The following SARS1 variants were observed in gnomAD, a reference collection of about 807,000 sequenced individuals.
SARS1 encodes the protein seryl-tRNA synthetase 1, also known as serine--tRNA ligase, cytoplasmic.
A neutral mutation model predicts 63.7 loss-of-function variants in SARS1; 25 were observed. The observed-to-expected ratio is 0.39, with a 90% CI of 0.29 to 0.55. SARS1 has a LOEUF of 0.55. Among genes scored for constraint, SARS1 ranks in the 20% least tolerant of loss-of-function variants. SARS1 has a pLI of 0.62. For synonymous variants in SARS1, 231 were observed against 243.5 expected (o/e 0.95, Z 0.48); for missense variants, 417 against 649.7 (o/e 0.64, Z 3.89).
In SARS1 at chr1:109,229,721, G is replaced by A. The variant is rs531079637; in HGVS notation, c.447+149G>A. ...CTCTGCCCACCAATTGAGAATTGCA[G>A]GAGTCAGATCCTTGTCTGATTGGGA... is the stretch of plus-strand genomic sequence containing the variant. On this transcript the variant is annotated intron_variant, in intron 4 of 10. Coordinates refer to ENST00000234677, the MANE Select transcript of SARS1 (RefSeq NM_006513.4). The A allele has an allele frequency of 8.8e-6, 7 of 794,096 alleles. No homozygotes were observed. In the South Asian group the frequency reaches 1.3e-4, roughly 15 times the overall value. The allele number at this position is 794,096 out of a possible 1,614,324, so 49.2% of individuals were successfully genotyped here.
chr1:109,232,640 G>A (rs1655232463), intron 6 of SARS1, among the ~76,000 whole-genome samples: 3 of 152,110 alleles, frequency 2.0e-5, no homozygotes, highest in Admixed American at 1.3e-4. Context: ...AGACGCACTG[G>A]GAAACAAAGT....
chr1:109,237,046 G>A lies in SARS1; in HGVS notation c.1258-198G>A, dbSNP rs1655326250. The A allele has an allele frequency of 2.4e-6, 3 of 1,233,962 alleles. No individual in the cohort carries two copies. The highest frequency in any genetic ancestry group is 3.3e-6 in the Non-Finnish European group (3 of 907,704). The allele number at this position is 1,233,962 out of a possible 1,614,324, so 76.4% of individuals were successfully genotyped here. A position where few individuals can be genotyped will look rare whatever the true frequency, so the allele number is the denominator to read the frequency against. ...ACTTGTCACTCATCGAAACATGAGG[G>A]ATCTTTCTGCAGTTATCTAATAGGC... is the stretch of plus-strand genomic sequence containing the variant. On this transcript the variant is annotated intron_variant, in intron 9 of 10. Coordinates refer to ENST00000234677, the MANE Select transcript of SARS1 (RefSeq NM_006513.4). The surrounding 1 kb of genome is among the most constrained non-coding windows in gnomAD (Gnocchi z 4.1).
intron 1 of SARS1, chr1:109,215,410 C>G (rs1654760608): frequency 1.0e-6 from 1 of 985,420 alleles, no homozygotes; most frequent in Admixed American, 6.1e-5. Context: ...ATGTCCACAT[C>G]TGAGGGATTT....
intron 1 of SARS1, among the ~76,000 whole-genome samples, chr1:109,220,940 T>C (rs1654912250): frequency 6.6e-6 from 1 of 152,138 alleles, no homozygotes; most frequent in South Asian, 2.1e-4. Flanking sequence ...CAAAATTTTT[T>C]TTAATGTGGA....
chr1:109,226,625 C>G (rs1442677436), intron 2 of SARS1, among the ~76,000 whole-genome samples: 5 of 136,502 alleles, frequency 3.7e-5, no homozygotes, highest in Admixed American at 1.6e-4. Flanking sequence ...TCCCAAGTAG[C>G]TGAGACTACA....
rs766897116 is a variant in SARS1, at chr1:109,236,040, A to T, written c.1033A>T (p.Ile345Phe). The change falls in exon 8 of 11, where the codon ATT becomes TTT. Residue 345 changes from isoleucine (I) to phenylalanine (F), a missense_variant. Ile to Phe is a conservative substitution (Grantham distance 21, BLOSUM62 0). Coordinates refer to ENST00000234677, the MANE Select transcript of SARS1 (RefSeq NM_006513.4). Reference protein sequence around the residue: ...NKSWEMFEEMITTAEEFYQSL... With the variant: ...NKSWEMFEEMFTTAEEFYQSL... ...GTCATGGGAGATGTTTGAAGAGATG[A>T]TTACCACCGCAGAGGAGTTCTACCA... 6.2e-7 allele frequency: 1 copy of T among 1,613,882 alleles called. No homozygotes were observed. The highest frequency in any genetic ancestry group is 1.1e-5 in the South Asian group (1 of 91,070).
intron 1 of SARS1, among the ~76,000 whole-genome samples, chr1:109,221,970 G>GTGTGTATATA (rs1654939076): frequency 7.1e-5 from 2 of 28,056 alleles, no homozygotes; most frequent in African/African-American, 2.9e-4. Flanking sequence ...TTGTGTGTGT[G>GTGTGTATATA]TATATATATA....
In SARS1 at chr1:109,214,385, C is replaced by A. The variant is rs1293790893; in HGVS notation, c.136+257C>A. On this transcript the variant is annotated intron_variant, in intron 1 of 10. Transcript: ENST00000234677. The surrounding 1 kb of genome is among the most constrained non-coding windows in gnomAD (Gnocchi z 4.6). ...TTCGCTGCCAGTGTGCGTACGCACGCGCATCGGGAGCTGTCAAGCCTTCCT... is the reference window on the plus strand; with the variant it reads ...TTCGCTGCCAGTGTGCGTACGCACGAGCATCGGGAGCTGTCAAGCCTTCCT... Among the ~76,000 whole-genome samples, 1 of 152,216 alleles carries A rather than the reference C, an allele frequency of 6.6e-6. No homozygotes were observed. Among genetic ancestry groups the A allele is most frequent in the African/African-American group, 2.4e-5 (1 of 41,458 alleles).
At chr1:109,229,315 C>A in intron 3 of SARS1, 99 bp from the exon 4 acceptor site, 2 of 1,210,466 alleles carry the variant, frequency 1.7e-6, no homozygotes, top group Non-Finnish European at 2.3e-6. Flanking sequence ...ACCACAAGGG[C>A]TATCTTTAGA....
intron 1 of SARS1, among the ~76,000 whole-genome samples, chr1:109,218,670 ACTC>A (rs1231035143): frequency 6.6e-5 from 10 of 151,998 alleles, no homozygotes; most frequent in South Asian, 6.2e-4. Context: ...GCTTATTGCT[ACTC>A]CTAGACTCTT....
chr1:109,235,878 G>A lies in SARS1; in HGVS notation c.970-99G>A, dbSNP rs1655296859. On this transcript the variant is annotated intron_variant, in intron 7 of 10. Transcript: ENST00000234677. This position sits in a 1 kb window ranked among gnomAD's most constrained non-coding sequence, Gnocchi z 4.7. Reference sequence around the variant, plus strand: ...GGGGCCCAGACTTGCCTGCCTCCCAGTGGTGTGGAAACAGGTCTTCATGGC... The same window carrying A: ...GGGGCCCAGACTTGCCTGCCTCCCAATGGTGTGGAAACAGGTCTTCATGGC... 1 of 1,210,952 alleles carries A rather than the reference G, an allele frequency of 8.3e-7. No individual in the cohort carries two copies. The highest frequency in any genetic ancestry group is 1.2e-6 in the Non-Finnish European group (1 of 866,296). The allele number at this position is 1,210,952 out of a possible 1,614,324, so 75.0% of individuals were successfully genotyped here.
chr1:109,230,903 T>G lies in SARS1; in HGVS notation c.473T>G (p.Ile158Ser). The G allele has an allele frequency of 6.2e-7, 1 of 1,605,226 alleles. No homozygotes were observed. The highest frequency in any genetic ancestry group is 8.5e-7 in the Non-Finnish European group (1 of 1,175,090). ...DEDVDNKVER[I>S]WGDCTVRKKY... ...GATGTGGACAACAAAGTAGAGAGGA[T>G]TTGGGGTGATTGTACAGTCAGGAAG... Residue 158 changes from isoleucine (I) to serine (S), a missense_variant, in exon 5 of 11, where the codon ATT (isoleucine) becomes AGT (serine). Ile to Ser is a moderately radical substitution (Grantham distance 142, BLOSUM62 -2). Transcript: ENST00000234677.
At chr1:109,222,051 A>G (rs962549641) in intron 1 of SARS1, among the ~76,000 whole-genome samples, 1 of 83,972 alleles carries the variant, frequency 1.2e-5, no homozygotes, top group African/African-American at 5.1e-5. Flanking sequence ...TTTTGTAGAG[A>G]CAGGGTTTTG....
rs926583434 is a variant in SARS1, at chr1:109,230,822, TTAAAAA to T, written c.448-52_448-47del. 7 of 1,494,150 alleles carry T rather than the reference TTAAAAA, an allele frequency of 4.7e-6. No individual in the cohort carries two copies. The African/African-American group carries it at 1.0e-4, about 22-fold the overall frequency. 92.6% of individuals were successfully genotyped at this position (1,494,150 alleles called of 1,614,324 possible). ...CCTGTCTCCAAAAAAAAAAAATAAT[TTAAAAA>T]TAATAAAATCATATGTCTTGTATGT... is the stretch of plus-strand genomic sequence containing the variant. On this transcript the variant is annotated intron_variant, in intron 4 of 10. Transcript: ENST00000234677.
Position 109,214,084 on chromosome 1 carries a change from G to A in SARS1, c.92G>A (p.Gly31Glu). ...CAGGAGAAGCGCTTCAAGGACCCGG[G>A]ACTAGTGGACCAGCTGGTGAAGGCA... ...ETQEKRFKDP[G>E]LVDQLVKADS... The change falls in exon 1 of 11, where the codon GGA (glycine) becomes GAA (glutamate). Residue 31 changes from glycine (G) to glutamate (E), a missense_variant. By Grantham distance (98) the Gly-to-Glu change is moderately conservative (BLOSUM62 -2). Around this residue, in one of 3 missense-constraint regions of SARS1, gnomAD observed 359 missense variants for 529.6 expected, o/e 0.68. Coordinates refer to ENST00000234677, the MANE Select transcript of SARS1 (RefSeq NM_006513.4). The surrounding 1 kb of genome is among the most constrained non-coding windows in gnomAD (Gnocchi z 4.6). 1 of 1,614,150 alleles carries A rather than the reference G, an allele frequency of 6.2e-7. No homozygotes were observed. Among genetic ancestry groups the A allele is most frequent in the Non-Finnish European group, 8.5e-7 (1 of 1,180,002 alleles).
chr1:109,224,374 C>T (rs765777875), intron 2 of SARS1, among the ~76,000 whole-genome samples: 2 of 152,130 alleles, frequency 1.3e-5, no homozygotes, highest in African/African-American at 4.8e-5. Flanking sequence ...GTCGTCTCAG[C>T]GTAGTTATGC....
chr1:109,225,925 C>G (rs868467718), intron 2 of SARS1, among the ~76,000 whole-genome samples: 4 of 152,108 alleles, frequency 2.6e-5, no homozygotes, highest in Non-Finnish European at 4.4e-5. Flanking sequence ...GAGATTTAGT[C>G]CATTTTTTCC....
chr1:109,228,771 G>A (rs182797719), intron 3 of SARS1, among the ~76,000 whole-genome samples: 27 of 152,270 alleles, frequency 1.8e-4, no homozygotes, highest in Admixed American at 1.1e-3. Flanking sequence ...TATTCAGTAC[G>A]CTGGCAAGAG....
At chr1:109,215,556 T>G in intron 1 of SARS1, 1 of 985,228 alleles carries the variant, frequency 1.0e-6, no homozygotes, top group East Asian at 1.1e-4. Context: ...TACCTGGTCC[T>G]TGGTAAGGCC....
Sources: gnomAD v4.1 joint callset for allele counts (sites outside exome capture counted in the v4.1 genomes callset) on GRCh38, gnomAD v4.1.1 for gene constraint, gnomAD v4.1.1 regional missense constraint, Gnocchi (gnomAD v3.1) non-coding constraint, MANE v1.5 for transcripts, NCBI Gene and HGNC (gene_info 2026-07-23, HGNC 2026-07-21) for gene names.